MTMR3: variants seen among roughly 807,000 people sequenced by gnomAD.
MTMR3 encodes the protein phosphatidylinositol-3,5-bisphosphate 3-phosphatase MTMR3.
In MTMR3, 32 loss-of-function variants were observed where a neutral mutation model predicts 132.4. The observed-to-expected ratio is 0.24, with a 90% CI of 0.18 to 0.32. The LOEUF (loss-of-function observed/expected upper bound fraction) is 0.32. Ranked by LOEUF, MTMR3 falls within the 10% of genes least tolerant of loss-of-function variation. The probability of loss-of-function intolerance (pLI) is 1.00; values close to 1 mark genes in which losing one functional copy is unlikely to be tolerated. For missense variants in MTMR3, 1,216 were observed against 1,489.6 expected, an observed-to-expected ratio of 0.82 and a Z score of 3.02; for synonymous variants, 556 against 550.3, an observed-to-expected ratio of 1.01 and a Z score of -0.14.
intron 2 of MTMR3, among the ~76,000 whole-genome samples, chr22:29,963,843 GAA>G (rs398061878): frequency 1.4e-5 from 2 of 143,876 alleles, no homozygotes. Context: ...CCCTGTAGTG[GAA>G]AAAAAAAAAA....
At position 29,891,325 on chromosome 22, in the gene MTMR3, A is replaced by G. The variant is rs61550395; in HGVS notation, c.-138+7966A>G. On this transcript the variant is annotated intron_variant, in intron 1 of 19. Transcript: ENST00000401950. ...TGCGTGTGCGTGTGTGTATGTATGT[A>G]TGTGTGTGTGTGTATATATTTAATA... 5.9e-3 allele frequency among the ~76,000 whole-genome samples: 876 copies of G among 149,140 alleles called. 7 individuals are homozygous for G. Among genetic ancestry groups the G allele is most frequent in the African/African-American group, 0.02 (823 of 40,440 alleles).
intron 1 of MTMR3, among the ~76,000 whole-genome samples, chr22:29,898,663 A>C (rs1167875127): frequency 2.0e-5 from 3 of 152,004 alleles, no homozygotes; most frequent in African/African-American, 4.8e-5. Context: ...CAGCCTCCCA[A>C]AGTGCTGGTA....
rs1353097226 is a variant in MTMR3 at position 30,020,074 on chromosome 22, G to A, written c.2415G>A (p.Arg805=). Residue 805 remains arginine (R), a synonymous_variant, in exon 17 of 20, where the codon AGG becomes AGA. Coordinates refer to ENST00000401950, the MANE Select transcript of MTMR3 (RefSeq NM_021090.4). ...QFRIEEIAEG[R]EEAVLPIPVD... ...GAATAGAAGAGATTGCAGAGGGTAGGGAGGAAGCAGTTCTTCCAATCCCAG... is the reference window on the plus strand; with the variant it reads ...GAATAGAAGAGATTGCAGAGGGTAGAGAGGAAGCAGTTCTTCCAATCCCAG... 1 of 1,614,206 alleles carries A rather than the reference G, an allele frequency of 6.2e-7. No individual in the cohort carries two copies. Among genetic ancestry groups the A allele is most frequent in the East Asian group, 2.2e-5 (1 of 44,882 alleles).
intron 1 of MTMR3, among the ~76,000 whole-genome samples, chr22:29,910,275 G>A (rs1181322642): frequency 1.3e-5 from 2 of 152,142 alleles, no homozygotes; most frequent in Non-Finnish European, 2.9e-5. Context: ...GTGCAGTTAT[G>A]TAGAACAAAA....
chr22:30,016,800 TCTA>T, intron 15 of MTMR3, 102 bp downstream of exon 15: 1 of 1,303,564 alleles, frequency 7.7e-7, no homozygotes, highest in South Asian at 1.4e-5. Context: ...TGAAGACATC[TCTA>T]CTGTCTCTGG....
chr22:29,949,778 G>A (rs73398630), intron 1 of MTMR3, among the ~76,000 whole-genome samples: 4,939 of 152,190 alleles, frequency 0.032, 279 homozygotes, highest in African/African-American at 0.11. Context: ...AGGAAGGAGA[G>A]TCGTCAGTCT....
intron 1 of MTMR3, among the ~76,000 whole-genome samples, chr22:29,937,091 GTTA>G (rs1344161399): frequency 6.6e-6 from 1 of 151,802 alleles, no homozygotes; most frequent in East Asian, 1.9e-4. Context: ...TTAAGCTTTT[GTTA>G]TTATATATTA....
intron 17 of MTMR3, 186 bp from the exon 18 acceptor site, chr22:30,021,843 C>T: frequency 1.7e-6 from 1 of 598,252 alleles, no homozygotes; most frequent in Non-Finnish European, 3.0e-6. Context: ...ATCCCTCTCC[C>T]AGCTGAGCCC....
At chr22:29,904,838 G>A (rs2145733207) in intron 1 of MTMR3, among the ~76,000 whole-genome samples, 1 of 151,428 alleles carries the variant, frequency 6.6e-6, no homozygotes, top group Admixed American at 6.6e-5. Flanking sequence ...GTGTGTGTGT[G>A]TGTCTTGGTT....
intron 8 of MTMR3, chr22:29,999,856 A>G (rs2067133648): frequency 6.6e-6 from 1 of 152,194 alleles, no homozygotes; most frequent in African/African-American, 2.4e-5. Context: ...TACTAAAAAT[A>G]CAAAAATTAG....
At chr22:29,963,088 T>G (rs574307101) in intron 2 of MTMR3, among the ~76,000 whole-genome samples, 1 of 151,628 alleles carries the variant, frequency 6.6e-6, no homozygotes, top group South Asian at 2.1e-4. Context: ...GTCCAGCTAG[T>G]TTTTGTATTT....
chr22:29,896,365 G>T (rs1239675990), intron 1 of MTMR3, among the ~76,000 whole-genome samples: 2 of 152,148 alleles, frequency 1.3e-5, no homozygotes, highest in Admixed American at 6.6e-5. Context: ...TCAATTGCCT[G>T]CCAAACAAGG....
At chr22:29,967,373 G>T (rs947580482) in intron 2 of MTMR3, among the ~76,000 whole-genome samples, 4 of 151,782 alleles carry the variant, frequency 2.6e-5, no homozygotes, top group African/African-American at 9.7e-5. Flanking sequence ...AAGTGGCTAG[G>T]ACTACAGGTG....
At chr22:29,927,181 T>C (rs1308529716) in intron 1 of MTMR3, among the ~76,000 whole-genome samples, 1 of 152,230 alleles carries the variant, frequency 6.6e-6, no homozygotes, top group Non-Finnish European at 1.5e-5. Flanking sequence ...TGTAAGAGTT[T>C]ATTTCTTGAC....
chr22:29,934,277 C>T (rs1421387940), intron 1 of MTMR3, among the ~76,000 whole-genome samples: 1 of 152,092 alleles, frequency 6.6e-6, no homozygotes, highest in Non-Finnish European at 1.5e-5. Context: ...TGGTGTGAAC[C>T]TGGGAGGCGG....
At chr22:29,952,998 C>T (rs1327707980) in intron 1 of MTMR3, among the ~76,000 whole-genome samples, 8 of 152,044 alleles carry the variant, frequency 5.3e-5, no homozygotes, top group Non-Finnish European at 1.0e-4. Flanking sequence ...TAAAATTTTG[C>T]ACCTCTTGAA....
intron 14 of MTMR3, 160 bp from the exon 15 acceptor site, chr22:30,016,368 T>G: frequency 1.5e-6 from 1 of 685,452 alleles, no homozygotes; most frequent in African/African-American, 1.8e-5. Context: ...ATTGGTGGTG[T>G]GAGGAGGAGG....
chr22:29,972,602 GC>G (rs1467120743), intron 3 of MTMR3, among the ~76,000 whole-genome samples: 1 of 152,144 alleles, frequency 6.6e-6, no homozygotes, highest in Non-Finnish European at 1.5e-5. Flanking sequence ...ACAGAGTCTT[GC>G]TCTGTTGCCC....
chr22:29,894,412 G>T (rs1001930572), intron 1 of MTMR3, among the ~76,000 whole-genome samples: 1 of 151,972 alleles, frequency 6.6e-6, no homozygotes, highest in African/African-American at 2.4e-5. Flanking sequence ...TTAATAAGCT[G>T]ATTGAGAATT....
Sources: gnomAD v4.1 joint callset for allele counts (sites outside exome capture counted in the v4.1 genomes callset) on GRCh38, gnomAD v4.1.1 for gene constraint, MANE v1.5 for transcripts, NCBI Gene and HGNC (gene_info 2026-07-23, HGNC 2026-07-21) for gene names.